The following NIPAL3 variants were observed in gnomAD, a reference collection of about 807,000 sequenced individuals.
NIPAL3 encodes NIPA-like protein 3.
In NIPAL3, 41 loss-of-function variants were observed where a neutral mutation model predicts 47.2. The observed-to-expected ratio is 0.87, with a 90% CI of 0.68 to 1.13. The LOEUF (loss-of-function observed/expected upper bound fraction) is 1.13, where lower values mean the gene tolerates loss of function less well. NIPAL3 is among the 50% of genes most tolerant of loss of function. The pLI is 0.00. For synonymous variants in NIPAL3, 194 were observed against 209.6 expected, an observed-to-expected ratio of 0.93 and a Z score of 0.64; for missense variants, 449 against 530.1, an observed-to-expected ratio of 0.85 and a Z score of 1.50.
At chr1:24,413,901 C>T (rs1643889638), upstream of NIPAL3, 1 of 152,202 alleles carries the variant, frequency 6.6e-6, no homozygotes, top group Admixed American at 6.5e-5. Flanking sequence ...ACATCAGGGC[C>T]TGTAGCGGGG....
intron 2 of NIPAL3, among the ~76,000 whole-genome samples, chr1:24,420,482 G>A (rs145959207): frequency 1.3e-5 from 2 of 152,164 alleles, no homozygotes; most frequent in Non-Finnish European, 2.9e-5. Context: ...TCTAGCCTGG[G>A]TGACAGAGCA....
At chr1:24,464,730 C>G (rs1646625783) in intron 11 of NIPAL3, 1 of 152,184 alleles carries the variant, frequency 6.6e-6, no homozygotes, top group Non-Finnish European at 1.5e-5. Flanking sequence ...GACATTGGAC[C>G]AACCTCAGAT....
At chr1:24,443,666 G>A (rs949709005) in intron 4 of NIPAL3, among the ~76,000 whole-genome samples, 2 of 152,176 alleles carry the variant, frequency 1.3e-5, no homozygotes, top group Admixed American at 6.5e-5. Flanking sequence ...TCCTAACCAG[G>A]GTTGCTGAAC....
intron 2 of NIPAL3, among the ~76,000 whole-genome samples, chr1:24,438,606 CCAGCTCTGGCCACTGCGGGG>C: frequency 6.6e-6 from 1 of 152,354 alleles, no homozygotes; most frequent in South Asian, 2.1e-4. Flanking sequence ...GAAGCCTCGG[CCAGCTCTGGCCACTGCGGGG>C]CAGCTTGCTA....
rs1004036501 is a variant in NIPAL3 at position 24,460,631 on chromosome 1, C to T, written c.926+87C>T. 19 of 1,106,798 alleles carry T rather than the reference C, an allele frequency of 1.7e-5. 1 individual carries two copies. The highest frequency in any genetic ancestry group is 9.9e-5 in the Admixed American group (3 of 30,210). 68.6% of individuals were successfully genotyped at this position (1,106,798 alleles called of 1,614,324 possible). A position where few individuals can be genotyped will look rare whatever the true frequency, so the allele number is the denominator to read the frequency against. ...CCTCTCTCTCCCTTATTGCTACAGC[C>T]GCCCCATCCTTTAGAGTCAGAGGAG... On this transcript the variant is annotated intron_variant, in intron 10 of 11. Coordinates refer to ENST00000374399, the MANE Select transcript of NIPAL3 (RefSeq NM_020448.5).
Position 24,451,108 on chromosome 1 carries a change from G to T in NIPAL3, c.540+1482G>T, listed in dbSNP as rs1028162484. ...GGCAAGAATCTCTGGACTTAAAATT[G>T]CTATTGGGAGATCCAGGAAGTAGCA... On this transcript the variant is annotated intron_variant, in intron 6 of 11. Coordinates refer to ENST00000374399, the MANE Select transcript of NIPAL3 (RefSeq NM_020448.5). The surrounding 1 kb of genome is among the most constrained non-coding windows in gnomAD (Gnocchi z 4.5). Among the ~76,000 whole-genome samples, 1 of 152,086 alleles carries T rather than the reference G, an allele frequency of 6.6e-6. No individual in the cohort carries two copies. The highest frequency in any genetic ancestry group is 2.4e-5 in the African/African-American group (1 of 41,434).
intron 1 of NIPAL3, chr1:24,417,028 C>T (rs929622308): frequency 1.4e-4 from 22 of 152,268 alleles, no homozygotes; most frequent in African/African-American, 5.1e-4. Context: ...CTTTCTCTGA[C>T]CTCCTGTGGG....
chr1:24,419,999 T>G (rs1644247526), intron 2 of NIPAL3: 1 of 195,682 alleles, frequency 5.1e-6, no homozygotes, highest in Admixed American at 6.2e-5. Flanking sequence ...GGAGAATCAC[T>G]TGAACCAAGG....
intron 2 of NIPAL3, among the ~76,000 whole-genome samples, chr1:24,427,560 G>T (rs946529101): frequency 1.9e-4 from 29 of 152,106 alleles, no homozygotes; most frequent in African/African-American, 7.0e-4. Flanking sequence ...CACTGATAAG[G>T]TTATTTTTTT....
intron 11 of NIPAL3, among the ~76,000 whole-genome samples, chr1:24,466,645 G>A (rs985359452): frequency 1.3e-5 from 2 of 152,146 alleles, no homozygotes; most frequent in Non-Finnish European, 2.9e-5. Flanking sequence ...TACATGGTTC[G>A]TGGTTCCCCG....
At chr1:24,455,121 G>A (rs1047489385) in intron 7 of NIPAL3, among the ~76,000 whole-genome samples, 2 of 152,214 alleles carry the variant, frequency 1.3e-5, no homozygotes, top group Non-Finnish European at 2.9e-5. Context: ...GTGTTGGCAG[G>A]AGAAAGCGAA....
At chr1:24,436,751 G>A (rs1395664344) in intron 2 of NIPAL3, among the ~76,000 whole-genome samples, 2 of 151,784 alleles carry the variant, frequency 1.3e-5, no homozygotes, top group Non-Finnish European at 2.9e-5. Flanking sequence ...CACCCGCCTT[G>A]GCCTCCCAAA....
At chr1:24,460,849 G>T (rs1229350882) in intron 10 of NIPAL3, among the ~76,000 whole-genome samples, 1 of 152,148 alleles carries the variant, frequency 6.6e-6, no homozygotes, top group Non-Finnish European at 1.5e-5. Flanking sequence ...CCATCATTTT[G>T]CAAAAACTAA....
rs1193991516 is a variant in NIPAL3 at position 24,445,235 on chromosome 1, G to T, written c.385G>T (p.Asp129Tyr). 5 of 1,607,146 alleles carry T rather than the reference G, an allele frequency of 3.1e-6. No individual in the cohort carries two copies. Among genetic ancestry groups the T allele is most frequent in the Non-Finnish European group, 4.3e-6 (5 of 1,173,760 alleles). Residue 129 changes from aspartate (D) to tyrosine (Y), a missense_variant, in exon 5 of 12, where the codon GAC becomes TAC. Transcript: ENST00000374399. Reference sequence around the variant, plus strand: ...CATCAAGGAAAAGTGGAAACCGAAAGACTTTCTGAGTAAGTTCAGTGATTT... The same window carrying T: ...CATCAAGGAAAAGTGGAAACCGAAATACTTTCTGAGTAAGTTCAGTGATTT... ...IFIKEKWKPK[D>Y]FLRRYVLSFV...
intron 2 of NIPAL3, among the ~76,000 whole-genome samples, chr1:24,437,033 T>C (rs768392034): frequency 3.3e-5 from 5 of 151,984 alleles, no homozygotes; most frequent in African/African-American, 4.8e-5. Context: ...GGTCGGATCA[T>C]GAGGTCAGGA....
intron 11 of NIPAL3, among the ~76,000 whole-genome samples, chr1:24,468,610 A>G (rs997752584): frequency 1.3e-5 from 2 of 152,120 alleles, no homozygotes; most frequent in South Asian, 2.1e-4. Flanking sequence ...CAGTGTAACA[A>G]AGTTTCCTGG....
At position 24,442,067 on chromosome 1, in the gene NIPAL3, A is replaced by G. The variant is rs202244127; in HGVS notation, c.175A>G (p.Ile59Val). Reference protein sequence around the residue: ...IALNLQKYCHIRLAGSKDPRA... With the variant: ...IALNLQKYCHVRLAGSKDPRA... ...CTCGGGTTTCTAGAAGTACTGCCAC[A>G]TCCGCCTGGCAGGCTCCAAGGATCC... Residue 59 changes from isoleucine to valine, a missense_variant, in exon 4 of 12, where the codon ATC becomes GTC. Ile to Val is a conservative substitution (Grantham distance 29). Transcript: ENST00000374399. 2 of 1,613,920 alleles carry G rather than the reference A, an allele frequency of 1.2e-6. No individual in the cohort carries two copies. Among genetic ancestry groups the G allele is most frequent in the Admixed American group, 1.7e-5 (1 of 59,992 alleles).
At chr1:24,418,465 A>C (rs1644162313) in intron 1 of NIPAL3, among the ~76,000 whole-genome samples, 1 of 151,998 alleles carries the variant, frequency 6.6e-6, no homozygotes, top group Non-Finnish European at 1.5e-5. Context: ...CCCTGTCTCT[A>C]CAAAAAAATT....
At chr1:24,419,691 TAC>T in intron 2 of NIPAL3, 51 bp downstream of exon 2, 1 of 1,518,624 alleles carries the variant, frequency 6.6e-7, no homozygotes, top group Non-Finnish European at 9.1e-7. Context: ...GCAAGGAAGT[TAC>T]ACAGTGCTCT....
Sources: allele counts gnomAD v4.1 joint callset (sites outside exome capture counted in the v4.1 genomes callset), GRCh38; gene constraint gnomAD v4.1.1; non-coding constraint Gnocchi (gnomAD v3.1); transcripts MANE v1.5; gene names NCBI Gene and HGNC (gene_info 2026-07-23, HGNC 2026-07-21).